The following PI4KB variants were observed in gnomAD, a reference collection of about 807,000 sequenced individuals.
PI4KB encodes phosphatidylinositol 4-kinase beta.
Under a neutral mutation model 81.4 loss-of-function variants are expected in PI4KB, and 23 were observed. That is an observed-to-expected ratio of 0.28 (90% CI 0.20 to 0.40). PI4KB has a LOEUF of 0.40. Ranked by LOEUF, PI4KB falls within the 10% of genes least tolerant of loss-of-function variation. The probability of loss-of-function intolerance (pLI) is 1.00; values close to 1 mark genes in which losing one functional copy is unlikely to be tolerated. For missense variants in PI4KB, 651 were observed against 1,036.6 expected, an observed-to-expected ratio of 0.63 and a Z score of 5.11; for synonymous variants, 381 against 406.8, an observed-to-expected ratio of 0.94 and a Z score of 0.76.
intron 1 of PI4KB, among the ~76,000 whole-genome samples, chr1:151,325,434 C>T (rs1013812631): frequency 6.6e-6 from 1 of 152,170 alleles, no homozygotes; most frequent in Non-Finnish European, 1.5e-5. Context: ...CGTGCCCTTT[C>T]GCTATCACAG....
chr1:151,292,572 T>C lies in PI4KB; in HGVS notation c.*280A>G, dbSNP rs1694382742. On this transcript the variant is annotated 3_prime_UTR_variant, in exon 12 of 12. Coordinates refer to ENST00000368873, the MANE Select transcript of PI4KB (RefSeq NM_001369623.2). ...CAGTGTCCCTCACATTTGTCACCTC[T>C]GTTTTCTGGAGGGCAGTGAGTCCTG... The C allele has an allele frequency of 2.5e-6, 1 of 408,078 alleles. No homozygotes were observed. Among genetic ancestry groups the C allele is most frequent in the Non-Finnish European group, 4.4e-6 (1 of 225,000 alleles). The allele number at this position is 408,078 out of a possible 1,614,324, so 25.3% of individuals were successfully genotyped here. A position where few individuals can be genotyped will look rare whatever the true frequency, so the allele number is the denominator to read the frequency against.
intron 1 of PI4KB, among the ~76,000 whole-genome samples, chr1:151,317,730 C>T (rs1402929665): frequency 6.6e-6 from 1 of 152,158 alleles, no homozygotes; most frequent in Non-Finnish European, 1.5e-5. Context: ...TAAATGCCTG[C>T]TATAACCTTT....
rs1290087530 is a variant in PI4KB, at chr1:151,315,707, G to T, written c.775C>A (p.Pro259Thr). 1 of 1,614,088 alleles carries T rather than the reference G, an allele frequency of 6.2e-7. No individual in the cohort carries two copies. Residue 259 changes from proline (P) to threonine (T), a missense_variant, in exon 2 of 12, where the codon CCG becomes ACG. Physicochemically the swap from Pro to Thr is conservative, Grantham distance 38. Transcript: ENST00000368873. Reference sequence around the variant, plus strand: ...GGAGACAGCCCTGTGTCAGGGGCCGGGCTCAAGGAGGGCAGCTCCCTCTTC... The same window carrying T: ...GGAGACAGCCCTGTGTCAGGGGCCGTGCTCAAGGAGGGCAGCTCCCTCTTC... ...HRKRELPSLS[P>T]APDTGLSPSK...
chr1:151,326,142 A>C, intron 1 of PI4KB: 1 of 1,609,896 alleles, frequency 6.2e-7, no homozygotes, highest in Non-Finnish European at 8.5e-7. Flanking sequence ...AAAAGCCTAA[A>C]ATTAAATAAT....
intron 1 of PI4KB, among the ~76,000 whole-genome samples, chr1:151,323,340 A>G (rs958524200): frequency 6.6e-6 from 1 of 152,032 alleles, no homozygotes; most frequent in African/African-American, 2.4e-5. Flanking sequence ...CCCCGTCTCT[A>G]CTAAAAAATA....
chr1:151,303,508 T>G, intron 6 of PI4KB, 33 bp downstream of exon 6: 1 of 1,288,856 alleles, frequency 7.8e-7, no homozygotes, highest in Non-Finnish European at 1.1e-6. Context: ...GAAAGAGGGA[T>G]GAAAAATGAG....
At chr1:151,314,818 C>T (rs1158323534) in intron 2 of PI4KB, among the ~76,000 whole-genome samples, 2 of 152,100 alleles carry the variant, frequency 1.3e-5, no homozygotes, top group Non-Finnish European at 2.9e-5. Flanking sequence ...TCTAACATCT[C>T]CCCTACCCCA....
rs150900565 is a variant in PI4KB at position 151,299,456 on chromosome 1, C to T, written c.1750-383G>A. On this transcript the variant is annotated intron_variant, in intron 8 of 11. Coordinates refer to ENST00000368873, the MANE Select transcript of PI4KB (RefSeq NM_001369623.2). ...CAGCACTCTGGGAGACCAAGGAGGG[C>T]GGATCACCTGAGGTCAGGAGTTCAA... Among the ~76,000 whole-genome samples, 201 of 152,192 alleles carry T rather than the reference C, an allele frequency of 1.3e-3. 1 individual carries two copies. The highest frequency in any genetic ancestry group is 4.8e-3 in the African/African-American group (199 of 41,506).
rs12092749 is a variant in PI4KB, at chr1:151,324,207, C to T, written c.-29+3064G>A. Among the ~76,000 whole-genome samples the T allele has an allele frequency of 6.9e-3, 1,049 of 152,208 alleles. 15 individuals carry two copies. Among genetic ancestry groups the T allele is most frequent in the African/African-American group, 0.024 (979 of 41,536 alleles). On this transcript the variant is annotated intron_variant, in intron 1 of 11. Coordinates refer to ENST00000368873, the MANE Select transcript of PI4KB (RefSeq NM_001369623.2). Reference sequence around the variant, plus strand: ...AACTCTTGACCTCAAGTGATCCGCCCACCTCAGCCTCCCGAAGTGCTGGGA... The same window carrying T: ...AACTCTTGACCTCAAGTGATCCGCCTACCTCAGCCTCCCGAAGTGCTGGGA...
chr1:151,306,675 G>A (rs1303648566), intron 4 of PI4KB, among the ~76,000 whole-genome samples: 1 of 152,202 alleles, frequency 6.6e-6, no homozygotes, highest in East Asian at 1.9e-4. Context: ...AGATGCCTCT[G>A]TGGGCTCGTC....
At chr1:151,311,125 GAA>G (rs1181897841) in intron 2 of PI4KB, among the ~76,000 whole-genome samples, 1 of 152,162 alleles carries the variant, frequency 6.6e-6, no homozygotes, top group Non-Finnish European at 1.5e-5. Flanking sequence ...AAAAACAGGG[GAA>G]AGAGATGGTG....
Position 151,316,007 on chromosome 1 carries a change from AGGC to A in PI4KB, c.472_474del (p.Ala158del). 6.2e-7 allele frequency: 1 copy of A among 1,613,808 alleles called. No homozygotes were observed. The highest frequency in any genetic ancestry group is 8.5e-7 in the Non-Finnish European group (1 of 1,179,744). On this transcript the variant is annotated inframe_deletion, in exon 2 of 12. Transcript: ENST00000368873. ...AAGCAGAAGAGCCGGTTGCCAATGT[AGGC>A]TTGTACTCCAGGCTCCTTGGAGTTA...
chr1:151,312,652 G>A (rs947825994), intron 2 of PI4KB, among the ~76,000 whole-genome samples: 1 of 152,166 alleles, frequency 6.6e-6, no homozygotes, highest in Non-Finnish European at 1.5e-5. Context: ...AAGGGAAGAA[G>A]GATGAGTAAA....
intron 6 of PI4KB, among the ~76,000 whole-genome samples, chr1:151,302,920 C>G (rs1695415834): frequency 6.6e-6 from 1 of 151,630 alleles, no homozygotes; most frequent in Non-Finnish European, 1.5e-5. Context: ...CTTCCTCCCC[C>G]TGGATTCTGA....
At chr1:151,312,083 A>AGG (rs1218320243) in intron 2 of PI4KB, among the ~76,000 whole-genome samples, 7 of 152,354 alleles carry the variant, frequency 4.6e-5, no homozygotes, top group African/African-American at 1.7e-4. Flanking sequence ...GCAGGCTTTG[A>AGG]GGAGCAGTGG....
At position 151,294,154 on chromosome 1, in the gene PI4KB, A is replaced by G. The variant is rs746096457; in HGVS notation, c.2149-16T>C. On this transcript the variant is annotated splice_polypyrimidine_tract_variant and intron_variant, in intron 10 of 11. Coordinates refer to ENST00000368873, the MANE Select transcript of PI4KB (RefSeq NM_001369623.2). Reference sequence around the variant, plus strand: ...CGCCCATCACCTGGAAAGGGAAGAGAGCGTTGTGTGCACAAGGGGTCTTAC... The same window carrying G: ...CGCCCATCACCTGGAAAGGGAAGAGGGCGTTGTGTGCACAAGGGGTCTTAC... 6.2e-7 allele frequency: 1 copy of G among 1,608,684 alleles called. No homozygotes were observed. The highest frequency in any genetic ancestry group is 8.5e-7 in the Non-Finnish European group (1 of 1,177,126).
In PI4KB at chr1:151,316,146, T is replaced by A. The variant is rs752135394; in HGVS notation, c.336A>T (p.Thr112=). The change falls in exon 2 of 12, where the codon ACA becomes ACT. Residue 112 remains threonine, a synonymous_variant. Coordinates refer to ENST00000368873, the MANE Select transcript of PI4KB (RefSeq NM_001369623.2). ...GCCGCCGTCTTCTTGCTCCTTTGGC[T>A]GTGCCTGAGGCCACAGCGGCCCCCA... is the stretch of plus-strand genomic sequence containing the variant. The part of the protein sequence containing the change: ...DEMGAAVASG[T]AKGARRRRQN... The A allele has an allele frequency of 1.9e-6, 3 of 1,614,110 alleles. No individual in the cohort carries two copies. Among genetic ancestry groups the A allele is most frequent in the South Asian group, 1.1e-5 (1 of 91,090 alleles).
chr1:151,307,120 C>T (rs1249587645), intron 4 of PI4KB, among the ~76,000 whole-genome samples: 1 of 152,102 alleles, frequency 6.6e-6, no homozygotes, highest in Non-Finnish European at 1.5e-5. Context: ...TTCCAGTCAG[C>T]ACACAAATTC....
intron 2 of PI4KB, among the ~76,000 whole-genome samples, chr1:151,313,066 G>A (rs587623582): frequency 6.6e-6 from 1 of 151,988 alleles, no homozygotes; most frequent in African/African-American, 2.4e-5. Context: ...AAGGAAGGAA[G>A]GAAGGAAGGA....
Sources: gnomAD v4.1 joint callset for allele counts (sites outside exome capture counted in the v4.1 genomes callset) on GRCh38, gnomAD v4.1.1 for gene constraint, MANE v1.5 for transcripts, NCBI Gene and HGNC (gene_info 2026-07-23, HGNC 2026-07-21) for gene names.